CSMD1: variants seen among roughly 807,000 people sequenced by gnomAD.
CSMD1 encodes CUB and sushi domain-containing protein 1.
In CSMD1, 213 loss-of-function variants were observed where a neutral mutation model predicts 417.5. The ratio of observed to expected loss-of-function variants is 0.51; its 90% CI spans 0.46 to 0.57. The LOEUF (loss-of-function observed/expected upper bound fraction) is 0.57. CSMD1 is among the 20% of genes least tolerant of loss of function. The pLI is 0.00. For synonymous variants in CSMD1, 2,862 were observed against 1,736.8 expected (o/e 1.65, Z -16.11); for missense variants, 6,923 against 4,529.7 (o/e 1.53, Z -15.17).
intron 10 of CSMD1, among the ~76,000 whole-genome samples, chr8:3,541,910 A>T (rs1483277381): frequency 6.6e-6 from 1 of 152,062 alleles, no homozygotes; most frequent in African/African-American, 2.4e-5. Context: ...CAAAATACAA[A>T]CATTAGCTGG....
intron 7 of CSMD1, among the ~76,000 whole-genome samples, chr8:3,619,459 G>A (rs540933349): frequency 2.0e-5 from 3 of 151,970 alleles, no homozygotes; most frequent in African/African-American, 7.2e-5. Flanking sequence ...TAAATCTCTA[G>A]ATACAGTCAC....
At chr8:3,198,202 T>C (rs981297840) in intron 33 of CSMD1, among the ~76,000 whole-genome samples, 3 of 152,206 alleles carry the variant, frequency 2.0e-5, no homozygotes, top group East Asian at 1.9e-4. Flanking sequence ...ATGCAATATA[T>C]TGTCTGATGA....
chr8:4,656,737 G>A (rs931434638), intron 1 of CSMD1, among the ~76,000 whole-genome samples: 2 of 151,814 alleles, frequency 1.3e-5, no homozygotes, highest in African/African-American at 2.4e-5. Flanking sequence ...CAGTGTTTGG[G>A]GACACTAAAT....
chr8:3,933,779 C>T (rs1170184284), intron 5 of CSMD1, among the ~76,000 whole-genome samples: 1 of 152,244 alleles, frequency 6.6e-6, no homozygotes, highest in Non-Finnish European at 1.5e-5. Flanking sequence ...TATTTTCCTG[C>T]TATATTTATT....
At chr8:3,846,055 T>G (rs1188563145) in intron 5 of CSMD1, among the ~76,000 whole-genome samples, 3 of 150,668 alleles carry the variant, frequency 2.0e-5, no homozygotes, top group African/African-American at 7.3e-5. Context: ...GCTTTACAGT[T>G]AAAATTAAAA....
At chr8:4,562,381 A>G (rs1166189562) in intron 2 of CSMD1, among the ~76,000 whole-genome samples, 2 of 152,214 alleles carry the variant, frequency 1.3e-5, no homozygotes, top group Admixed American at 6.5e-5. Flanking sequence ...AGACTGAGGC[A>G]TGAACCTAGC....
At chr8:4,306,058 C>A (rs529541893) in intron 3 of CSMD1, among the ~76,000 whole-genome samples, 13 of 152,130 alleles carry the variant, frequency 8.5e-5, no homozygotes, top group Non-Finnish European at 1.6e-4. Flanking sequence ...CATTACTGGA[C>A]ATTTTGATTT....
intron 21 of CSMD1, among the ~76,000 whole-genome samples, chr8:3,356,271 A>C (rs1188119811): frequency 6.6e-6 from 1 of 152,252 alleles, no homozygotes; most frequent in Non-Finnish European, 1.5e-5. Context: ...TTTTGAGATG[A>C]AAAGAGAACC....
intron 8 of CSMD1, among the ~76,000 whole-genome samples, chr8:3,613,737 A>ACACACACACACACC (rs71203455): frequency 7.6e-5 from 11 of 144,370 alleles, no homozygotes; most frequent in South Asian, 2.2e-4. Flanking sequence ...ACACACACAC[A>ACACACACACACACC]CCTCAAAAAA....
chr8:3,134,879 C>G (rs1233391763), intron 41 of CSMD1, among the ~76,000 whole-genome samples: 3 of 152,182 alleles, frequency 2.0e-5, no homozygotes, highest in African/African-American at 7.2e-5. Flanking sequence ...AATCAGGAAG[C>G]ATAGAGTGTG....
chr8:2,938,802 C>A (rs931086117), intron 69 of CSMD1, 58 bp from the exon 70 acceptor site: 8 of 1,486,812 alleles, frequency 5.4e-6, no homozygotes, highest in Non-Finnish European at 7.3e-6. Flanking sequence ...GATTTAGCAG[C>A]TGGGACTGTG....
At chr8:3,865,555 C>T (rs1016026990) in intron 5 of CSMD1, among the ~76,000 whole-genome samples, 3 of 151,970 alleles carry the variant, frequency 2.0e-5, no homozygotes, top group Non-Finnish European at 2.9e-5. Context: ...CAAGCAGGCA[C>T]GTACAGTGGG....
intron 3 of CSMD1, among the ~76,000 whole-genome samples, chr8:4,289,916 C>G (rs1449871402): frequency 6.6e-6 from 1 of 152,134 alleles, no homozygotes; most frequent in Non-Finnish European, 1.5e-5. Context: ...CCTCTGAGTG[C>G]AAGTGAGTAA....
At chr8:4,992,921 G>T (rs577146925) in intron 1 of CSMD1, among the ~76,000 whole-genome samples, 3 of 152,216 alleles carry the variant, frequency 2.0e-5, no homozygotes, top group Admixed American at 1.3e-4. Context: ...TGTGAGGGTG[G>T]ATGCCGGTGA....
chr8:3,770,146 T>C (rs1024351981), intron 5 of CSMD1, among the ~76,000 whole-genome samples: 1 of 152,248 alleles, frequency 6.6e-6, no homozygotes, highest in African/African-American at 2.4e-5. Context: ...AAAGGCTACC[T>C]GCAGCCCTGG....
intron 2 of CSMD1, among the ~76,000 whole-genome samples, chr8:4,573,190 G>A (rs193158413): frequency 6.6e-6 from 1 of 152,164 alleles, no homozygotes; most frequent in South Asian, 2.1e-4. Flanking sequence ...CTTTGGAGGA[G>A]AAGAGGCATT....
chr8:4,257,030 A>G (rs1297136504), intron 3 of CSMD1, among the ~76,000 whole-genome samples: 3 of 152,190 alleles, frequency 2.0e-5, no homozygotes, highest in African/African-American at 7.2e-5. Flanking sequence ...GGATCAAGCC[A>G]TCTAGGAAAA....
intron 10 of CSMD1, among the ~76,000 whole-genome samples, chr8:3,562,227 T>A (rs1799498013): frequency 1.3e-5 from 2 of 152,184 alleles, no homozygotes; most frequent in South Asian, 4.1e-4. Context: ...TAGAGATTTG[T>A]ATCATACTTG....
At chr8:3,073,410 C>T (rs1054148799) in intron 49 of CSMD1, among the ~76,000 whole-genome samples, 6 of 152,070 alleles carry the variant, frequency 3.9e-5, no homozygotes, top group African/African-American at 1.4e-4. Context: ...AACTGGGTAG[C>T]CATCTGAGAG....
Sources: gnomAD v4.1 joint callset for allele counts (sites outside exome capture counted in the v4.1 genomes callset) on GRCh38, gnomAD v4.1.1 for gene constraint, MANE v1.5 for transcripts, NCBI Gene and HGNC (gene_info 2026-07-23, HGNC 2026-07-21) for gene names.